The following OSBPL9 variants were observed in gnomAD, a reference collection of about 807,000 sequenced individuals.
OSBPL9 encodes the protein oxysterol-binding protein-related protein 9.
A neutral mutation model predicts 106.6 loss-of-function variants in OSBPL9; 40 were observed. That is an observed-to-expected ratio of 0.38 (90% CI 0.29 to 0.49). The LOEUF is 0.49. Ranked by LOEUF, OSBPL9 falls within the 20% of genes least tolerant of loss-of-function variation. The pLI is 0.97. For synonymous variants in OSBPL9, 269 were observed against 295.4 expected (o/e 0.91, Z 0.92); for missense variants, 609 against 887.2 (o/e 0.69, Z 3.98).
intron 22 of OSBPL9, 50 bp from the exon 23 acceptor site, chr1:51,787,303 G>A (rs1391680794): frequency 1.3e-6 from 2 of 1,558,142 alleles, no homozygotes. Context: ...CAGGATGGCT[G>A]CAGGCTTTCA....
intron 8 of OSBPL9, 102 bp from the exon 9 acceptor site, chr1:51,756,218 C>T: frequency 1.1e-6 from 1 of 944,986 alleles, no homozygotes; most frequent in African/African-American, 1.6e-5. Flanking sequence ...CATGTTCTAA[C>T]ATTATTACTT....
chr1:51,692,668 C>CTTT (rs76854917), intron 3 of OSBPL9, among the ~76,000 whole-genome samples: 1 of 82,598 alleles, frequency 1.2e-5, no homozygotes, highest in Admixed American at 1.4e-4. Flanking sequence ...TTTCTTTCTT[C>CTTT]TTTTTTTTTT....
At chr1:51,692,759 C>T (rs1016989769) in intron 3 of OSBPL9, among the ~76,000 whole-genome samples, 1 of 150,122 alleles carries the variant, frequency 6.7e-6, no homozygotes, top group Non-Finnish European at 1.5e-5. Context: ...ATCTCCTGGG[C>T]TTAGCAATCC....
upstream of OSBPL9, among the ~76,000 whole-genome samples, chr1:51,613,257 A>AT (rs1201565173): frequency 2.0e-5 from 3 of 152,208 alleles, no homozygotes; most frequent in Non-Finnish European, 4.4e-5. Context: ...ATGTTTCAAG[A>AT]TCCCCACAGT....
chr1:51,596,388 C>T (rs566506023), intron 1 of OSBPL9, among the ~76,000 whole-genome samples: 81 of 151,812 alleles, frequency 5.3e-4, no homozygotes, highest in African/African-American at 1.7e-3. Flanking sequence ...GGTGAAACCC[C>T]GTCTCTACTA....
the OSBPL9 span, chr1:51,567,576 G>A: frequency 6.6e-6 from 1 of 152,152 alleles, no homozygotes; most frequent in Non-Finnish European, 1.5e-5. Flanking sequence ...TTAGGCTTTT[G>A]GATCAACTGC....
chr1:51,651,471 C>G (rs1646513200), intron 1 of OSBPL9, among the ~76,000 whole-genome samples: 1 of 151,952 alleles, frequency 6.6e-6, no homozygotes, highest in African/African-American at 2.4e-5. Context: ...AGCATGGTGG[C>G]GGGTGCCTGT....
intron 3 of OSBPL9, among the ~76,000 whole-genome samples, chr1:51,679,974 C>G (rs932403412): frequency 6.6e-6 from 1 of 152,118 alleles, no homozygotes; most frequent in Non-Finnish European, 1.5e-5. Context: ...TTTCAGGCAT[C>G]CACAGGGGGT....
chr1:51,758,029 C>T (rs1038384581), intron 9 of OSBPL9, among the ~76,000 whole-genome samples: 2 of 152,078 alleles, frequency 1.3e-5, no homozygotes, highest in African/African-American at 4.8e-5. Flanking sequence ...ATTTTTAAAG[C>T]AAGTTGTAGA....
At chr1:51,702,606 C>G (rs1401769546) in intron 3 of OSBPL9, among the ~76,000 whole-genome samples, 1 of 152,190 alleles carries the variant, frequency 6.6e-6, no homozygotes, top group Non-Finnish European at 1.5e-5. Flanking sequence ...CCTGTTCAGT[C>G]TGATGGTAGT....
chr1:51,563,670 C>T, the OSBPL9 span: 1 of 152,266 alleles, frequency 6.6e-6, no homozygotes, highest in Non-Finnish European at 1.5e-5. Context: ...ACTCCCCATC[C>T]ATAGCCTCCT....
At chr1:51,523,068 G>A in the OSBPL9 span, among the ~76,000 whole-genome samples, 1 of 151,814 alleles carries the variant, frequency 6.6e-6, no homozygotes, top group Non-Finnish European at 1.5e-5. Flanking sequence ...ACCAGCCTGG[G>A]CAACATAGTG....
intron 1 of OSBPL9, among the ~76,000 whole-genome samples, chr1:51,586,473 T>C (rs1048761496): frequency 1.3e-5 from 2 of 152,218 alleles, no homozygotes; most frequent in Non-Finnish European, 2.9e-5. Context: ...TTTAGGTTTG[T>C]CTCCAAATGT....
chr1:51,669,697 A>T, intron 3 of OSBPL9, 185 bp downstream of exon 3: 1 of 667,408 alleles, frequency 1.5e-6, no homozygotes. Flanking sequence ...ATGGATGTAG[A>T]TCGATTTGAA....
chr1:51,712,412 G>A (rs1660258356), intron 3 of OSBPL9, among the ~76,000 whole-genome samples: 1 of 142,290 alleles, frequency 7.0e-6, no homozygotes, highest in South Asian at 2.1e-4. Flanking sequence ...GAGACCGTGG[G>A]GAGAGGGAGA....
chr1:51,655,388 C>T (rs1646756002), intron 2 of OSBPL9, among the ~76,000 whole-genome samples: 1 of 152,180 alleles, frequency 6.6e-6, no homozygotes, highest in African/African-American at 2.4e-5. Context: ...TTCTTGGTCA[C>T]GTGGCCTAGA....
At chr1:51,558,116 T>TA in the OSBPL9 span, among the ~76,000 whole-genome samples, 2 of 151,994 alleles carry the variant, frequency 1.3e-5, no homozygotes, top group Non-Finnish European at 2.9e-5. Context: ...CCCTCTCTAC[T>TA]AAAAATACAA....
intron 11 of OSBPL9, among the ~76,000 whole-genome samples, chr1:51,763,511 G>A (rs1671958072): frequency 6.6e-6 from 1 of 152,212 alleles, no homozygotes; most frequent in Non-Finnish European, 1.5e-5. Context: ...TCTTGAAGAA[G>A]TGGGAGATCA....
chr1:51,614,863 G>C (rs1247413550), upstream of OSBPL9, among the ~76,000 whole-genome samples: 1 of 152,012 alleles, frequency 6.6e-6, no homozygotes, highest in Non-Finnish European at 1.5e-5. Flanking sequence ...CTTGCCTAAG[G>C]CCATATAGCT....
Sources: gnomAD v4.1 joint callset for allele counts (sites outside exome capture counted in the v4.1 genomes callset) on GRCh38, gnomAD v4.1.1 for gene constraint, MANE v1.5 for transcripts, NCBI Gene and HGNC (gene_info 2026-07-23, HGNC 2026-07-21) for gene names.